The following CDH10 variants were observed in gnomAD, a reference collection of about 807,000 sequenced individuals.
CDH10 encodes the protein cadherin-10.
In CDH10, 30 loss-of-function variants were observed where a neutral mutation model predicts 73.1. The observed-to-expected ratio is 0.41, with a 90% CI of 0.31 to 0.56. The LOEUF is 0.56. Among genes scored for constraint, CDH10 ranks in the 20% least tolerant of loss-of-function variants. The probability of loss-of-function intolerance (pLI) is 0.27; values close to 1 mark genes in which losing one functional copy is unlikely to be tolerated. For synonymous variants in CDH10, 345 were observed against 348.2 expected (o/e 0.99, Z 0.10); for missense variants, 815 against 973.7 (o/e 0.84, Z 2.17).
intron 1 of CDH10, among the ~76,000 whole-genome samples, chr5:24,633,014 T>C (rs774478322): frequency 4.7e-4 from 72 of 151,750 alleles, no homozygotes; most frequent in Non-Finnish European, 7.7e-4. Context: ...CATATAGAAA[T>C]AAAGTAGGGA....
chr5:24,587,247 C>T (rs1746054284), intron 2 of CDH10, among the ~76,000 whole-genome samples: 2 of 152,156 alleles, frequency 1.3e-5, no homozygotes, highest in South Asian at 2.1e-4. Flanking sequence ...CCTATTCATG[C>T]TTTCATATGA....
intron 5 of CDH10, among the ~76,000 whole-genome samples, chr5:24,514,100 A>G (rs1009503196): frequency 1.1e-4 from 16 of 152,180 alleles, no homozygotes; most frequent in African/African-American, 3.4e-4. Context: ...AATAAAATAA[A>G]TTATTTGTGT....
intron 1 of CDH10, among the ~76,000 whole-genome samples, chr5:24,615,403 T>A (rs1391524144): frequency 6.6e-6 from 1 of 152,212 alleles, no homozygotes; most frequent in Non-Finnish European, 1.5e-5. Flanking sequence ...TATCACAATG[T>A]GATTTTTATA....
chr5:24,614,888 G>A (rs1021176774), intron 1 of CDH10, among the ~76,000 whole-genome samples: 1 of 152,234 alleles, frequency 6.6e-6, no homozygotes, highest in Admixed American at 6.5e-5. Flanking sequence ...GTTCTCTCCT[G>A]TACTCCTATT....
intron 2 of CDH10, among the ~76,000 whole-genome samples, chr5:24,549,557 T>C (rs561449734): frequency 6.6e-6 from 1 of 151,128 alleles, no homozygotes; most frequent in East Asian, 2.0e-4. Flanking sequence ...ATGACTTTTT[T>C]TTTTTTTTTT....
At chr5:24,489,609 C>G (rs1305178020) in intron 11 of CDH10, among the ~76,000 whole-genome samples, 1 of 152,090 alleles carries the variant, frequency 6.6e-6, no homozygotes, top group Non-Finnish European at 1.5e-5. Context: ...CAATTCGCTC[C>G]AAGTCCAAGT....
intron 7 of CDH10, among the ~76,000 whole-genome samples, chr5:24,508,509 T>A (rs1481247875): frequency 6.6e-6 from 1 of 152,130 alleles, no homozygotes; most frequent in Admixed American, 6.6e-5. Flanking sequence ...TAACCCACAT[T>A]GCAGCATTGC....
intron 1 of CDH10, among the ~76,000 whole-genome samples, chr5:24,599,561 T>C (rs1355888771): frequency 1.3e-5 from 2 of 152,182 alleles, no homozygotes; most frequent in Non-Finnish European, 2.9e-5. Flanking sequence ...ACTATGAGAA[T>C]GTGTAGAACA....
chr5:24,632,410 T>C (rs1436148046), intron 1 of CDH10, among the ~76,000 whole-genome samples: 1 of 152,050 alleles, frequency 6.6e-6, no homozygotes, highest in Non-Finnish European at 1.5e-5. Flanking sequence ...AAATAATACC[T>C]AGTGTGCAGC....
intron 1 of CDH10, among the ~76,000 whole-genome samples, chr5:24,603,112 C>T (rs1333815634): frequency 1.3e-5 from 2 of 152,208 alleles, no homozygotes; most frequent in Middle Eastern, 6.8e-3. Flanking sequence ...AGAAGTGAAA[C>T]AGCTGTGATA....
At chr5:24,543,487 T>C (rs758981733) in intron 2 of CDH10, among the ~76,000 whole-genome samples, 5 of 152,100 alleles carry the variant, frequency 3.3e-5, no homozygotes, top group African/African-American at 4.8e-5. Context: ...ATTAAATAGA[T>C]TTTTCAATTT....
At chr5:24,572,766 C>A (rs1252612760) in intron 2 of CDH10, among the ~76,000 whole-genome samples, 1 of 151,676 alleles carries the variant, frequency 6.6e-6, no homozygotes, top group African/African-American at 2.4e-5. Flanking sequence ...AAGAAGAAAG[C>A]AAGCACACAT....
At chr5:24,641,931 G>T (rs1748067466) in intron 1 of CDH10, among the ~76,000 whole-genome samples, 1 of 151,932 alleles carries the variant, frequency 6.6e-6, no homozygotes, top group African/African-American at 2.4e-5. Flanking sequence ...ACTTATAATT[G>T]GCATAAATAA....
intron 2 of CDH10, among the ~76,000 whole-genome samples, chr5:24,544,918 T>A (rs1561153135): frequency 6.6e-6 from 1 of 152,180 alleles, no homozygotes; most frequent in Non-Finnish European, 1.5e-5. Context: ...AGAAACACAC[T>A]TTCACAGGCA....
chr5:24,604,890 A>AAAAAAC (rs1361383795), intron 1 of CDH10, among the ~76,000 whole-genome samples: 113 of 144,030 alleles, frequency 7.8e-4, no homozygotes, highest in African/African-American at 1.9e-3. Context: ...AAAAAAAAAA[A>AAAAAAC]AAAAACAAAA....
rs1743995448 is a variant in CDH10 at position 24,537,419 on chromosome 5, C to T, written c.487G>A (p.Glu163Lys). 1 of 1,612,662 alleles carries T rather than the reference C, an allele frequency of 6.2e-7. No homozygotes were observed. Among genetic ancestry groups the T allele is most frequent in the East Asian group, 2.2e-5 (1 of 44,822 alleles). The change falls in exon 3 of 12, where the codon GAA (glutamate) becomes AAA (lysine). Residue 163 changes from glutamate (E) to lysine (K), a missense_variant. By Grantham distance (56) the Glu-to-Lys change is moderately conservative. Around this residue, in one of 3 missense-constraint regions of CDH10, gnomAD observed 516 missense variants for 636.6 expected, o/e 0.81. Transcript: ENST00000264463. The stretch of plus-strand genomic sequence containing the variant: ...TCGGGAACACTAGCTGTATAGATTT[C>T]TTCTGGGAACGTTGGCTCATTGTCA... ...INDNEPTFPE[E>K]IYTASVPEMS...
At chr5:24,604,561 A>T (rs116057356) in intron 1 of CDH10, among the ~76,000 whole-genome samples, 2,823 of 152,244 alleles carry the variant, frequency 0.019, 28 homozygotes, top group Non-Finnish European at 0.028. Flanking sequence ...TCAAAGACAC[A>T]ATAAAATGAA....
intron 2 of CDH10, among the ~76,000 whole-genome samples, chr5:24,586,555 G>T (rs887486662): frequency 6.9e-6 from 1 of 145,890 alleles, no homozygotes; most frequent in African/African-American, 2.6e-5. Context: ...CGATTCTCCT[G>T]CCTCAGCCTC....
intron 5 of CDH10, 31 bp from the exon 6 acceptor site, chr5:24,511,545 CAGAGAGAG>C (rs55901211): frequency 0.054 from 31,165 of 574,864 alleles, 416 homozygotes; most frequent in African/African-American, 0.081. Context: ...AAGAGAGAGA[CAGAGAGAG>C]AGAGAGAGAG....
Sources: gnomAD v4.1 joint callset for allele counts (sites outside exome capture counted in the v4.1 genomes callset) on GRCh38, gnomAD v4.1.1 for gene constraint, gnomAD v4.1.1 regional missense constraint, MANE v1.5 for transcripts, NCBI Gene and HGNC (gene_info 2026-07-23, HGNC 2026-07-21) for gene names.